The following DMD variants were observed in gnomAD, a reference collection of about 807,000 sequenced individuals.
DMD encodes the protein dystrophin.
A neutral mutation model predicts 330.1 loss-of-function variants in DMD; 63 were observed. That is an observed-to-expected ratio of 0.19 (90% CI 0.16 to 0.24). The LOEUF (loss-of-function observed/expected upper bound fraction) is 0.24, where lower values mean the gene tolerates loss of function less well. DMD is among the 10% of genes least tolerant of loss of function. The probability of loss-of-function intolerance (pLI) is 1.00; values close to 1 mark genes in which losing one functional copy is unlikely to be tolerated. For synonymous variants in DMD, 1,223 were observed against 959.8 expected (o/e 1.27, Z -5.07); for missense variants, 3,344 against 2,684.1 (o/e 1.25, Z -5.43).
intron 62 of DMD, among the ~76,000 whole-genome samples, chrX:31,268,666 A>T (rs1219125926): frequency 8.9e-6 from 1 of 112,297 alleles, no homozygotes; most frequent in Non-Finnish European, 1.9e-5. Context: ...TGCCCTTTGC[A>T]GTAAATCAGA....
intron 50 of DMD, among the ~76,000 whole-genome samples, chrX:31,793,887 A>G (rs1255360852): frequency 9.8e-5 from 11 of 112,316 alleles, no homozygotes; most frequent in African/African-American, 3.2e-4. Context: ...TTTATTAAAC[A>G]GTGAACATAT....
chrX:31,843,778 C>A (rs972173752), intron 48 of DMD, among the ~76,000 whole-genome samples: 1 of 108,568 alleles, frequency 9.2e-6, no homozygotes, highest in African/African-American at 3.4e-5. Flanking sequence ...GTCATGAATT[C>A]TTTCTGAAGG....
intron 1 of DMD, among the ~76,000 whole-genome samples, chrX:33,087,905 A>G (rs1219895353): frequency 1.8e-5 from 2 of 110,622 alleles, no homozygotes; most frequent in African/African-American, 6.6e-5. Flanking sequence ...AATTTTTTCT[A>G]TGTCTATTGA....
chrX:33,200,954 C>CA (rs1208140927), intron 1 of DMD, among the ~76,000 whole-genome samples: 1 of 31,574 alleles, frequency 3.2e-5, no homozygotes, highest in African/African-American at 1.2e-4. Flanking sequence ...TTTTTTGAGA[C>CA]AGAGTCTCAC....
chrX:32,652,507 G>A (rs1290446200), intron 9 of DMD, among the ~76,000 whole-genome samples: 1 of 110,540 alleles, frequency 9.0e-6, no homozygotes, highest in Non-Finnish European at 1.9e-5. Flanking sequence ...TGGTGTATAT[G>A]TGCCACATTT....
At chrX:31,692,900 A>G (rs1847614577) in intron 52 of DMD, among the ~76,000 whole-genome samples, 1 of 111,716 alleles carries the variant, frequency 9.0e-6, no homozygotes, top group African/African-American at 3.3e-5. Flanking sequence ...ACTAAAGAGG[A>G]AGGGATTCGT....
rs774611488 is a variant in DMD at position 33,024,343 on chromosome X, C to T, written c.32-4143G>A. ...ACTGATTTTATTTTACTAATAAAAA[C>T]ATGCATGTGCATATTAATAAGAGAG... On this transcript the variant is annotated intron_variant, in intron 1 of 78. Coordinates refer to ENST00000357033, the MANE Select transcript of DMD (RefSeq NM_004006.3). Among the ~76,000 whole-genome samples, 6 of 112,148 alleles carry T rather than the reference C, an allele frequency of 5.4e-5. No individual in the cohort carries two copies. The South Asian group carries it at 2.2e-3, about 41-fold the overall frequency.
At chrX:31,639,328 T>C (rs2079595482) in intron 54 of DMD, among the ~76,000 whole-genome samples, 1 of 111,824 alleles carries the variant, frequency 8.9e-6, no homozygotes, top group African/African-American at 3.2e-5. Context: ...GACAGCACTT[T>C]GGAATATCCC....
intron 41 of DMD, among the ~76,000 whole-genome samples, chrX:32,329,406 A>G (rs1184825088): frequency 8.9e-6 from 1 of 111,949 alleles, no homozygotes; most frequent in Non-Finnish European, 1.9e-5. Flanking sequence ...CAAAGGAAAC[A>G]TAATTGCAAT....
intron 48 of DMD, among the ~76,000 whole-genome samples, chrX:31,874,412 A>G (rs17283344): frequency 0.2 from 22,478 of 110,265 alleles, 2,203 homozygotes; most frequent in Admixed American, 0.4. Flanking sequence ...ATTATATTTT[A>G]GGAACCTAAT....
At chrX:33,009,967 T>TGTGTGTATGTGTGTACACAC (rs2093630375) in intron 2 of DMD, among the ~76,000 whole-genome samples, 1 of 60,646 alleles carries the variant, frequency 1.6e-5, no homozygotes, top group African/African-American at 6.8e-5. Context: ...TATATACACA[T>TGTGTGTATGTGTGTACACAC]ATGTGTGTAT....
At chrX:31,803,887 C>T (rs750987491) in intron 50 of DMD, among the ~76,000 whole-genome samples, 2 of 109,808 alleles carry the variant, frequency 1.8e-5, no homozygotes, top group African/African-American at 3.3e-5. Flanking sequence ...TTAGTAGAGA[C>T]ACGGTTTCTC....
chrX:31,935,216 G>C (rs1472699291), intron 45 of DMD, among the ~76,000 whole-genome samples: 1 of 111,875 alleles, frequency 8.9e-6, no homozygotes, highest in Non-Finnish European at 1.9e-5. Context: ...AGAGATGAAA[G>C]AGAAGGAACT....
chrX:31,892,468 G>GA lies in DMD; in HGVS notation c.6913-17096dup, dbSNP rs912681626. ...TATTGGATTCCGAAGGCATAGTACTGAAAAAAAAAAAGAATCCAAAATATT... is the reference window on the plus strand; with the variant it reads ...TATTGGATTCCGAAGGCATAGTACTGAAAAAAAAAAAAGAATCCAAAATATT... On this transcript the variant is annotated intron_variant, in intron 47 of 78. Coordinates refer to ENST00000357033, the MANE Select transcript of DMD (RefSeq NM_004006.3). Among the ~76,000 whole-genome samples, 229 of 99,922 alleles carry GA rather than the reference G, an allele frequency of 2.3e-3. 1 individual carries two copies. The highest frequency in any genetic ancestry group is 5.7e-3 in the South Asian group (13 of 2,298). The allele number at this position is 99,922 out of a possible 115,157, so 86.8% of individuals were successfully genotyped here. A position where few individuals can be genotyped will look rare whatever the true frequency, so the allele number is the denominator to read the frequency against.
chrX:32,384,271 T>G (rs16990287), intron 33 of DMD, among the ~76,000 whole-genome samples: 16,741 of 109,779 alleles, frequency 0.15, 1,181 homozygotes, highest in African/African-American at 0.27. Context: ...TCTATAAAAA[T>G]TGATAAGCAC....
At chrX:32,912,201 G>GA (rs1360378514) in intron 2 of DMD, among the ~76,000 whole-genome samples, 1 of 110,761 alleles carries the variant, frequency 9.0e-6, no homozygotes, top group Non-Finnish European at 1.9e-5. Context: ...GGTTGGAGGG[G>GA]GGACATCAAA....
intron 7 of DMD, among the ~76,000 whole-genome samples, chrX:32,767,260 T>C (rs763647729): frequency 7.2e-5 from 8 of 111,476 alleles, no homozygotes; most frequent in Non-Finnish European, 1.5e-4. Flanking sequence ...AGAAAACAGA[T>C]GTAGAAAAAT....
At chrX:32,604,322 C>A (rs1468155830) in intron 12 of DMD, among the ~76,000 whole-genome samples, 1 of 110,302 alleles carries the variant, frequency 9.1e-6, no homozygotes, top group African/African-American at 3.3e-5. Context: ...TCAATAGATG[C>A]AGAAAAGGCA....
chrX:31,501,952 C>A (rs748376959), intron 56 of DMD, among the ~76,000 whole-genome samples: 1 of 111,276 alleles, frequency 9.0e-6, no homozygotes, highest in South Asian at 3.8e-4. Context: ...GACTAGAGAA[C>A]CCAAAAACGA....
Sources: allele counts gnomAD v4.1 joint callset (sites outside exome capture counted in the v4.1 genomes callset), GRCh38; gene constraint gnomAD v4.1.1; transcripts MANE v1.5; gene names NCBI Gene and HGNC (gene_info 2026-07-23, HGNC 2026-07-21).